Variants in AFG2A observed in about 807,000 individuals in gnomAD.
AFG2A encodes ATPase family gene 2 protein homolog A.
the AFG2A span, among the ~76,000 whole-genome samples, chr4:123,053,754 C>T: frequency 4.6e-5 from 7 of 151,952 alleles, no homozygotes; most frequent in Admixed American, 6.6e-5. Flanking sequence ...GCTGTAGGGA[C>T]GGATTTGGAA....
the AFG2A span, among the ~76,000 whole-genome samples, chr4:123,205,416 A>G: frequency 1.3e-5 from 2 of 152,084 alleles, no homozygotes; most frequent in Non-Finnish European, 2.9e-5. Flanking sequence ...AAATCCGTGG[A>G]TTCAACGAAT....
At chr4:123,028,230 G>A in the AFG2A span, 1 of 1,614,100 alleles carries the variant, frequency 6.2e-7, no homozygotes, top group South Asian at 1.1e-5. Context: ...TCAAACTGAA[G>A]TTGGAACAGG....
At chr4:123,226,534 C>A in the AFG2A span, among the ~76,000 whole-genome samples, 1 of 152,150 alleles carries the variant, frequency 6.6e-6, no homozygotes. Context: ...GTATGTTGAA[C>A]CAGCCTTGCA....
At chr4:123,001,088 G>T in the AFG2A span, among the ~76,000 whole-genome samples, 33 of 142,568 alleles carry the variant, frequency 2.3e-4, no homozygotes, top group African/African-American at 7.4e-4. Context: ...TAGTTTATTT[G>T]CGTAGAGGTG....
chr4:123,306,710 C>T, the AFG2A span, among the ~76,000 whole-genome samples: 1 of 152,146 alleles, frequency 6.6e-6, no homozygotes, highest in Non-Finnish European at 1.5e-5. Flanking sequence ...CATGCACCAC[C>T]ACACCCGGCT....
At chr4:123,207,945 T>C in the AFG2A span, among the ~76,000 whole-genome samples, 1 of 152,256 alleles carries the variant, frequency 6.6e-6, no homozygotes, top group Admixed American at 6.5e-5. Context: ...CAAACCCATA[T>C]GGAATGCAAG....
chr4:123,289,091 T>C, the AFG2A span, among the ~76,000 whole-genome samples: 3 of 152,198 alleles, frequency 2.0e-5, no homozygotes, highest in Non-Finnish European at 4.4e-5. Context: ...TGGTGAAGTC[T>C]GGGCTTTTAG....
the AFG2A span, among the ~76,000 whole-genome samples, chr4:123,012,373 C>T: frequency 6.1e-4 from 57 of 93,382 alleles, no homozygotes; most frequent in Middle Eastern, 0.011. Flanking sequence ...GGTAGAGACA[C>T]GGAGAGAAGG....
At chr4:123,055,873 G>A in the AFG2A span, among the ~76,000 whole-genome samples, 1 of 152,210 alleles carries the variant, frequency 6.6e-6, no homozygotes, top group Non-Finnish European at 1.5e-5. Context: ...TGTGGTGACT[G>A]TTTATCTTAA....
At chr4:122,934,628 A>G in the AFG2A span, 1 of 1,613,910 alleles carries the variant, frequency 6.2e-7, no homozygotes, top group East Asian at 2.2e-5. Flanking sequence ...GAGCAAGACA[A>G]CCAATTCAAA....
chr4:123,023,900 C>T, the AFG2A span, among the ~76,000 whole-genome samples: 15 of 151,850 alleles, frequency 9.9e-5, no homozygotes, highest in African/African-American at 2.9e-4. Flanking sequence ...ATTTGGCTTC[C>T]GTTCTGGGGG....
the AFG2A span, among the ~76,000 whole-genome samples, chr4:123,260,821 A>G: frequency 6.6e-6 from 1 of 152,200 alleles, no homozygotes; most frequent in South Asian, 2.1e-4. Flanking sequence ...TCCAAAGTGA[A>G]GCAGAGCAGC....
the AFG2A span, among the ~76,000 whole-genome samples, chr4:122,930,826 G>T: frequency 6.6e-6 from 1 of 152,166 alleles, no homozygotes; most frequent in East Asian, 1.9e-4. Flanking sequence ...GACCTCTTGA[G>T]CGCACAGCAG....
At chr4:122,979,227 T>C in the AFG2A span, 2 of 1,613,516 alleles carry the variant, frequency 1.2e-6, no homozygotes, top group Middle Eastern at 1.6e-4. Context: ...TTCCTCTCTT[T>C]ATAGGTCTCT....
chr4:123,249,154 T>C, the AFG2A span, among the ~76,000 whole-genome samples: 2 of 152,182 alleles, frequency 1.3e-5, no homozygotes, highest in Non-Finnish European at 1.5e-5. Context: ...GGAAGAGTCA[T>C]AGAAGTTTCA....
chr4:123,118,398 T>G, the AFG2A span, among the ~76,000 whole-genome samples: 2 of 147,102 alleles, frequency 1.4e-5, no homozygotes, highest in African/African-American at 2.5e-5. Context: ...CCCAGTTATA[T>G]ACAATGCAGG....
chr4:123,223,566 C>T, the AFG2A span, among the ~76,000 whole-genome samples: 1 of 152,034 alleles, frequency 6.6e-6, no homozygotes, highest in African/African-American at 2.4e-5. Context: ...TTCATATGGC[C>T]AGAGCAAGAG....
the AFG2A span, among the ~76,000 whole-genome samples, chr4:123,098,341 G>A: frequency 6.6e-6 from 1 of 151,964 alleles, no homozygotes; most frequent in Admixed American, 6.6e-5. Flanking sequence ...TTTAACATGT[G>A]CATTACTTCA....
the AFG2A span, among the ~76,000 whole-genome samples, chr4:123,004,199 G>C: frequency 2.0e-5 from 3 of 152,160 alleles, no homozygotes; most frequent in African/African-American, 7.2e-5. Context: ...CAATTTTCCA[G>C]GTGCCCTCTG....
Sources: allele counts gnomAD v4.1 joint callset (sites outside exome capture counted in the v4.1 genomes callset), GRCh38; gene constraint gnomAD v4.1.1; transcripts MANE v1.5; gene names NCBI Gene and HGNC (gene_info 2026-07-23, HGNC 2026-07-21).